The following MLLT3 variants were observed in gnomAD, a reference collection of about 807,000 sequenced individuals.
MLLT3 encodes protein AF-9.
Under a neutral mutation model 53.2 loss-of-function variants are expected in MLLT3, and 4 were observed. The observed-to-expected ratio is 0.08, with a 90% CI of 0.04 to 0.17. The LOEUF (loss-of-function observed/expected upper bound fraction) is 0.17. Among genes scored for constraint, MLLT3 ranks in the 10% least tolerant of loss-of-function variants. MLLT3 has a pLI of 1.00. For synonymous variants in MLLT3, 283 were observed against 230.6 expected, an observed-to-expected ratio of 1.23 and a Z score of -2.06; for missense variants, 569 against 684.0, an observed-to-expected ratio of 0.83 and a Z score of 1.87.
At chr9:20,507,742 G>GAAAAA (rs72452530) in intron 2 of MLLT3, among the ~76,000 whole-genome samples, 12 of 84,538 alleles carry the variant, frequency 1.4e-4, no homozygotes, top group African/African-American at 3.9e-4. Flanking sequence ...TCCCAAAATG[G>GAAAAA]AAAAAAAAAA....
intron 2 of MLLT3, among the ~76,000 whole-genome samples, chr9:20,528,227 T>C (rs1428684389): frequency 6.6e-6 from 1 of 152,248 alleles, no homozygotes; most frequent in Non-Finnish European, 1.5e-5. Flanking sequence ...ACTGGGTGTG[T>C]GTATAAATAT....
At chr9:20,516,317 C>A (rs1817918662) in intron 2 of MLLT3, among the ~76,000 whole-genome samples, 1 of 152,172 alleles carries the variant, frequency 6.6e-6, no homozygotes, top group Non-Finnish European at 1.5e-5. Flanking sequence ...GATAGGCAGC[C>A]TCACAAAAAT....
chr9:20,360,934 C>T, intron 7 of MLLT3, 93 bp from the exon 8 acceptor site: 1 of 1,080,916 alleles, frequency 9.3e-7, no homozygotes, highest in South Asian at 1.3e-5. Flanking sequence ...AGAATCCAAA[C>T]ACTAACCCTT....
intron 2 of MLLT3, among the ~76,000 whole-genome samples, chr9:20,457,399 G>A (rs532229232): frequency 5.3e-4 from 80 of 151,676 alleles, no homozygotes; most frequent in African/African-American, 1.8e-3. Flanking sequence ...ACAGGCATGC[G>A]TCACCACACC....
At position 20,487,741 on chromosome 9, in the gene MLLT3, C is replaced by T. The variant is rs573124888; in HGVS notation, c.194-30955G>A. On this transcript the variant is annotated intron_variant, in intron 2 of 10. Transcript: ENST00000380338. Reference sequence around the variant, plus strand: ...TGTGAGACATATTTATGTCAAAAATCAAGGCATTAGTGGTCTAAGAAAATA... The same window carrying T: ...TGTGAGACATATTTATGTCAAAAATTAAGGCATTAGTGGTCTAAGAAAATA... Among the ~76,000 whole-genome samples, 11 of 152,174 alleles carry T rather than the reference C, an allele frequency of 7.2e-5. No individual in the cohort carries two copies. The East Asian group carries it at 2.1e-3, about 29-fold the overall frequency.
chr9:20,415,535 T>C, intron 4 of MLLT3: 1 of 588,342 alleles, frequency 1.7e-6, no homozygotes, highest in Non-Finnish European at 2.1e-6. Context: ...AGCTCTTTCT[T>C]GCTTACTTCC....
chr9:20,473,548 G>A (rs1190169384), intron 2 of MLLT3, among the ~76,000 whole-genome samples: 1 of 152,038 alleles, frequency 6.6e-6, no homozygotes, highest in Non-Finnish European at 1.5e-5. Context: ...ACACAGTCAG[G>A]GAAGGAATTT....
At chr9:20,449,954 G>A (rs1332620591) in intron 3 of MLLT3, among the ~76,000 whole-genome samples, 2 of 152,188 alleles carry the variant, frequency 1.3e-5, no homozygotes, top group Non-Finnish European at 2.9e-5. Flanking sequence ...CTGTGTGACA[G>A]TGACTCCCCC....
intron 2 of MLLT3, among the ~76,000 whole-genome samples, chr9:20,508,442 A>G (rs992336240): frequency 3.3e-5 from 5 of 152,220 alleles, no homozygotes; most frequent in South Asian, 2.1e-4. Context: ...CAACACTATC[A>G]TCCCAGGATC....
At chr9:20,430,804 C>T (rs189250843) in intron 4 of MLLT3, among the ~76,000 whole-genome samples, 12 of 152,104 alleles carry the variant, frequency 7.9e-5, no homozygotes, top group African/African-American at 1.9e-4. Context: ...AAGCCACTAA[C>T]TGAGAAAACT....
intron 2 of MLLT3, among the ~76,000 whole-genome samples, chr9:20,608,341 T>C (rs895014466): frequency 6.6e-6 from 1 of 151,954 alleles, no homozygotes; most frequent in Non-Finnish European, 1.5e-5. Flanking sequence ...GATAGACATG[T>C]TAATTATCAA....
intron 2 of MLLT3, among the ~76,000 whole-genome samples, chr9:20,514,113 G>C (rs546368718): frequency 6.6e-6 from 1 of 152,338 alleles, no homozygotes; most frequent in Non-Finnish European, 1.5e-5. Flanking sequence ...GAAAGCAACA[G>C]TCACCATTAA....
intron 2 of MLLT3, among the ~76,000 whole-genome samples, chr9:20,522,953 C>T (rs1262276926): frequency 6.6e-6 from 1 of 151,606 alleles, no homozygotes; most frequent in Non-Finnish European, 1.5e-5. Flanking sequence ...CAGAGTGAGA[C>T]CCTGTCTTAA....
chr9:20,366,302 T>A (rs997310907), intron 5 of MLLT3, among the ~76,000 whole-genome samples: 2 of 152,204 alleles, frequency 1.3e-5, no homozygotes, highest in Admixed American at 6.5e-5. Context: ...GGTGTTTGGT[T>A]TTCTGTTCCT....
At chr9:20,350,198 CTGATG>C (rs1354377280) in intron 10 of MLLT3, among the ~76,000 whole-genome samples, 1 of 152,226 alleles carries the variant, frequency 6.6e-6, no homozygotes, top group East Asian at 1.9e-4. Flanking sequence ...ACCCTCTTTG[CTGATG>C]CAGTGTGGCT....
At chr9:20,354,763 G>T in intron 9 of MLLT3, 45 bp downstream of exon 9, 1 of 1,254,698 alleles carries the variant, frequency 8.0e-7, no homozygotes, top group Non-Finnish European at 1.2e-6. Context: ...GAAACGGAAG[G>T]CTTGTCAGTG....
chr9:20,576,896 G>A (rs1819668032), intron 2 of MLLT3, among the ~76,000 whole-genome samples: 1 of 152,114 alleles, frequency 6.6e-6, no homozygotes, highest in African/African-American at 2.4e-5. Flanking sequence ...GTCCCAGCTA[G>A]TCAGGAAGCT....
At chr9:20,576,844 G>A (rs1198443818) in intron 2 of MLLT3, among the ~76,000 whole-genome samples, 1 of 152,050 alleles carries the variant, frequency 6.6e-6, no homozygotes, top group South Asian at 2.1e-4. Context: ...TTCAACTTAC[G>A]AAAACACAAT....
chr9:20,457,272 G>T (rs1471773942), intron 2 of MLLT3, among the ~76,000 whole-genome samples: 8 of 135,138 alleles, frequency 5.9e-5, no homozygotes, highest in African/African-American at 1.7e-4. Context: ...TTTTGAGACG[G>T]AGTTTCACTC....
Sources: gnomAD v4.1 joint callset for allele counts (sites outside exome capture counted in the v4.1 genomes callset) on GRCh38, gnomAD v4.1.1 for gene constraint, MANE v1.5 for transcripts, NCBI Gene and HGNC (gene_info 2026-07-23, HGNC 2026-07-21) for gene names.